SMG1: variants seen among roughly 807,000 people sequenced by gnomAD.
SMG1 encodes the protein SMG1 nonsense mediated mRNA decay associated PI3K related kinase.
A neutral mutation model predicts 419.9 loss-of-function variants in SMG1; 22 were observed. The ratio of observed to expected loss-of-function variants is 0.05; its 90% CI spans 0.04 to 0.07. SMG1 has a LOEUF of 0.07. SMG1 is among the 10% of genes least tolerant of loss of function. The pLI is 1.00. For missense variants in SMG1, 3,185 were observed against 4,342.0 expected (o/e 0.73, Z 7.49); for synonymous variants, 1,538 against 1,553.5 (o/e 0.99, Z 0.23).
At chr16:18,871,899 CA>C (rs1010683585) in intron 15 of SMG1, among the ~76,000 whole-genome samples, 27 of 114,782 alleles carry the variant, frequency 2.4e-4, no homozygotes, top group South Asian at 5.7e-4. Flanking sequence ...AACTCCGTCT[CA>C]AAAAAAAAAG....
chr16:18,917,309 T>G (rs1343664281), intron 1 of SMG1, among the ~76,000 whole-genome samples: 3 of 149,278 alleles, frequency 2.0e-5, no homozygotes, highest in African/African-American at 4.9e-5. Flanking sequence ...TATGCCACCA[T>G]GCCCGGCTAA....
intron 58 of SMG1, 102 bp from the exon 59 acceptor site, chr16:18,815,753 G>C: frequency 1.0e-6 from 1 of 995,044 alleles, no homozygotes; most frequent in Non-Finnish European, 1.5e-6. Context: ...TCAAATATGA[G>C]TGTGTTTAAA....
intron 55 of SMG1, among the ~76,000 whole-genome samples, chr16:18,821,343 C>T (rs1173485477): frequency 2.6e-5 from 1 of 38,476 alleles, no homozygotes; most frequent in African/African-American, 9.3e-5. Context: ...CATGCTGGTG[C>T]GCTGCACCCA....
chr16:18,875,632 A>G (rs1332879156), intron 13 of SMG1: 1 of 155,348 alleles, frequency 6.4e-6, no homozygotes, highest in Non-Finnish European at 1.4e-5. Context: ...AAAATCCAAA[A>G]CACTTCCAGT....
At chr16:18,881,157 A>G (rs1337090429) in intron 10 of SMG1, among the ~76,000 whole-genome samples, 1 of 150,792 alleles carries the variant, frequency 6.6e-6, no homozygotes, top group Non-Finnish European at 1.5e-5. Flanking sequence ...AAAAAAAAAA[A>G]CCACCATTCT....
intron 58 of SMG1, 73 bp downstream of exon 58, chr16:18,816,229 T>G: frequency 1.7e-6 from 2 of 1,157,806 alleles, no homozygotes; most frequent in Non-Finnish European, 2.4e-6. Flanking sequence ...TCACTGTTTT[T>G]CCTATAAATA....
At position 18,809,538 on chromosome 16, in the gene SMG1, G is replaced by A. The variant is rs372496394; in HGVS notation, c.*31C>T. 2.1e-4 allele frequency: 334 copies of A among 1,557,702 alleles called. No individual in the cohort carries two copies. The highest frequency in any genetic ancestry group is 2.7e-4 in the Non-Finnish European group (310 of 1,135,042). On this transcript the variant is annotated 3_prime_UTR_variant, in exon 63 of 63. Coordinates refer to ENST00000446231, the MANE Select transcript of SMG1 (RefSeq NM_015092.5). ...TTGATTCTGGTGGATGTCTGACCTC[G>A]CTTAACCAGACTCATCTACTGTCTT...
chr16:18,901,957 G>T (rs377202454), intron 1 of SMG1, among the ~76,000 whole-genome samples: 1 of 149,714 alleles, frequency 6.7e-6, no homozygotes, highest in Non-Finnish European at 1.5e-5. Flanking sequence ...AAAAAAAAGG[G>T]GGGGGTGGCG....
At chr16:18,893,840 G>A (rs934565679) in intron 3 of SMG1, among the ~76,000 whole-genome samples, 10 of 152,098 alleles carry the variant, frequency 6.6e-5, no homozygotes, top group East Asian at 1.9e-4. Flanking sequence ...GGCAGATCAC[G>A]AGGTCAGGAG....
At chr16:18,817,556 C>T (rs1012060849) in intron 56 of SMG1, 86 bp from the exon 57 acceptor site, 9 of 1,107,634 alleles carry the variant, frequency 8.1e-6, no homozygotes, top group Middle Eastern at 4.1e-4. Context: ...AAAAATACTA[C>T]TTCCTCATTT....
rs1422189185 is a variant in SMG1 at position 18,880,722 on chromosome 16, G to A, written c.1294-1003C>T. 9.6e-3 allele frequency among the ~76,000 whole-genome samples: 298 copies of A among 30,888 alleles called. 2 individuals carry two copies. The highest frequency in any genetic ancestry group is 0.037 in the African/African-American group (264 of 7,092). The allele number at this position is 30,888 out of a possible 152,430, so 20.3% of individuals were successfully genotyped here. A position where few individuals can be genotyped will look rare whatever the true frequency, so the allele number is the denominator to read the frequency against. On this transcript the variant is annotated intron_variant, in intron 10 of 62. Transcript: ENST00000446231. ...AGAGACCATGTCTCCAAAAAAAAAA[G>A]GGGGGGGGCGCGGAGGGGGAAGCAT... is the stretch of plus-strand genomic sequence containing the variant.
intron 53 of SMG1, 60 bp downstream of exon 53, chr16:18,829,866 C>T: frequency 6.9e-7 from 1 of 1,445,580 alleles, no homozygotes. Context: ...CCTACTCTAT[C>T]CTGCCCCCTT....
intron 1 of SMG1, chr16:18,925,662 C>A (rs914296857): frequency 1.3e-5 from 3 of 225,466 alleles, no homozygotes; most frequent in African/African-American, 2.3e-5. Context: ...CCACCCCCAC[C>A]CCCGCCTCTT....
At chr16:18,811,731 A>G (rs2031418535) in intron 62 of SMG1, 30 bp downstream of exon 62, 2 of 1,581,040 alleles carry the variant, frequency 1.3e-6, no homozygotes, top group Non-Finnish European at 1.7e-6. Flanking sequence ...CAGCATTAAA[A>G]TGTGTAGCCC....
chr16:18,849,272 T>A lies in SMG1; in HGVS notation c.5568A>T (p.Ile1856=). 1 of 1,613,670 alleles carries A rather than the reference T, an allele frequency of 6.2e-7. No individual in the cohort carries two copies. Among genetic ancestry groups the A allele is most frequent in the Non-Finnish European group, 8.5e-7 (1 of 1,179,722 alleles). ...CRVAQDSPHL[I]LYPAIVGTIS... is the part of the protein sequence containing the mutation. Reference sequence around the variant, plus strand: ...TGGTACCCACTATTGCAGGATACAATATGAGATGTGGGGAATCTTGAGCCA... The same window carrying A: ...TGGTACCCACTATTGCAGGATACAAAATGAGATGTGGGGAATCTTGAGCCA... Residue 1856 remains isoleucine (I), a synonymous_variant, in exon 36 of 63, where the codon ATA becomes ATT. Transcript: ENST00000446231.
At position 18,879,018 on chromosome 16, in the gene SMG1, A is replaced by T. The variant is rs1346706783; in HGVS notation, c.1518+477T>A. On this transcript the variant is annotated intron_variant, in intron 11 of 62. Coordinates refer to ENST00000446231, the MANE Select transcript of SMG1 (RefSeq NM_015092.5). ...GAGTGAGACCCTGTCTCAAAAAAAA[A>T]TTGCATTAAAAATAAAAGTAAATAG... 3 of 202,766 alleles carry T rather than the reference A, an allele frequency of 1.5e-5. No homozygotes were observed. The East Asian group carries it at 3.9e-4, about 27-fold the overall frequency. 12.6% of individuals were successfully genotyped at this position (202,766 alleles called of 1,614,324 possible).
intron 1 of SMG1, among the ~76,000 whole-genome samples, chr16:18,901,975 GA>G (rs2037365266): frequency 7.3e-6 from 1 of 136,958 alleles, no homozygotes; most frequent in South Asian, 2.7e-4. Context: ...GCGGTGGGGG[GA>G]AGGTGTCCTT....
Position 18,806,968 on chromosome 16 carries a change from G to C in SMG1, c.*2601C>G, listed in dbSNP as rs1044192647. Reference sequence around the variant, plus strand: ...AGACCAGGGCCTTGTCCAGAGTGCAGTAAGGAGCAGGCTTTTGAAGTCATC... The same window carrying C: ...AGACCAGGGCCTTGTCCAGAGTGCACTAAGGAGCAGGCTTTTGAAGTCATC... On this transcript the variant is annotated 3_prime_UTR_variant, in exon 63 of 63. Transcript: ENST00000446231. 1 of 152,264 alleles carries C rather than the reference G, an allele frequency of 6.6e-6. No homozygotes were observed. The highest frequency in any genetic ancestry group is 1.5e-5 in the Non-Finnish European group (1 of 68,048). The allele number at this position is 152,264 out of a possible 1,614,324, so 9.4% of individuals were successfully genotyped here.
At position 18,868,860 on chromosome 16, in the gene SMG1, G is replaced by T. The variant is rs78273801; in HGVS notation, c.2834-141C>A. ...AAAAATAAAAAATCCCAACATGAAA[G>T]ATCTTTCATTTTAGGGGAAAGAAAT... On this transcript the variant is annotated intron_variant, in intron 20 of 62. Coordinates refer to ENST00000446231, the MANE Select transcript of SMG1 (RefSeq NM_015092.5). 824 of 651,538 alleles carry T rather than the reference G, an allele frequency of 1.3e-3. 9 individuals carry two copies. The East Asian group carries it at 0.022, about 17-fold the overall frequency. The allele number at this position is 651,538 out of a possible 1,614,324, so 40.4% of individuals were successfully genotyped here. A position where few individuals can be genotyped will look rare whatever the true frequency, so the allele number is the denominator to read the frequency against.
Sources: gnomAD v4.1 joint callset for allele counts (sites outside exome capture counted in the v4.1 genomes callset) on GRCh38, gnomAD v4.1.1 for gene constraint, MANE v1.5 for transcripts, NCBI Gene and HGNC (gene_info 2026-07-23, HGNC 2026-07-21) for gene names.